AADACL3: variants seen among roughly 807,000 people sequenced by gnomAD.
AADACL3 encodes the protein arylacetamide deacetylase like 3.
AADACL3 carries 13 observed loss-of-function variants against 13.6 expected under a neutral mutation model. That is an observed-to-expected ratio of 0.95 (90% CI 0.62 to 1.52). The LOEUF (loss-of-function observed/expected upper bound fraction) is 1.52, where lower values mean the gene tolerates loss of function less well. AADACL3 is among the 40% of genes most tolerant of loss of function. AADACL3 has a pLI of 0.00. For missense variants in AADACL3, 519 were observed against 499.2 expected, an observed-to-expected ratio of 1.04 and a Z score of -0.38; for synonymous variants, 195 against 197.0, an observed-to-expected ratio of 0.99 and a Z score of 0.08.
chr1:12,723,197 C>A (rs1229045624), intron 3 of AADACL3, among the ~76,000 whole-genome samples: 1 of 151,922 alleles, frequency 6.6e-6, no homozygotes, highest in African/African-American at 2.4e-5. Context: ...AGAAAAACAC[C>A]TGCTAATATT....
Position 12,719,505 on chromosome 1 carries a change from T to A in AADACL3, c.199T>A (p.Ser67Thr). The A allele has an allele frequency of 6.2e-7, 1 of 1,614,100 alleles. No homozygotes were observed. Among genetic ancestry groups the A allele is most frequent in the Non-Finnish European group, 8.5e-7 (1 of 1,179,958 alleles). The change falls in exon 2 of 4, where the codon TCT (serine) becomes ACT (threonine). Residue 67 changes from serine to threonine, a missense_variant. Physicochemically the swap from Ser to Thr is moderately conservative, Grantham distance 58 (BLOSUM62 1). Coordinates refer to ENST00000359318, the MANE Select transcript of AADACL3 (RefSeq NM_001103170.3). Reference sequence around the variant, plus strand: ...GATATTTGAGAAGCTCAGAATCTGTTCTATGCCCCAATTTTTCTGTTTCAT... The same window carrying A: ...GATATTTGAGAAGCTCAGAATCTGTACTATGCCCCAATTTTTCTGTTTCAT... ...GMIFEKLRIC[S>T]MPQFFCFMQD...
chr1:12,725,517 A>G lies in AADACL3; in HGVS notation c.745A>G (p.Ile249Val). Residue 249 changes from isoleucine (I) to valine (V), a missense_variant, in exon 4 of 4, where the codon ATC (isoleucine) becomes GTC (valine). By Grantham distance (29) the Ile-to-Val change is conservative. Coordinates refer to ENST00000359318, the MANE Select transcript of AADACL3 (RefSeq NM_001103170.3). ...CATCCCACTGCTCACCTGGAGTTTC[A>G]TCTGCTACTTTTTTTTTCAAAACCT... ...KNIPLLTWSF[I>V]CYFFFQNLDF... 1 of 1,613,986 alleles carries G rather than the reference A, an allele frequency of 6.2e-7. No individual in the cohort carries two copies. Among genetic ancestry groups the G allele is most frequent in the African/African-American group, 1.3e-5 (1 of 74,968 alleles).
intron 1 of AADACL3, among the ~76,000 whole-genome samples, chr1:12,716,555 A>C (rs1329565710): frequency 6.6e-6 from 1 of 152,216 alleles, no homozygotes; most frequent in Non-Finnish European, 1.5e-5. Context: ...TAATATTCAC[A>C]AAATTCAAAG....
chr1:12,719,399 C>T, intron 1 of AADACL3, 76 bp from the exon 2 acceptor site: 1 of 1,386,700 alleles, frequency 7.2e-7, no homozygotes, highest in South Asian at 1.2e-5. Flanking sequence ...CTGTGGAGGG[C>T]AGGTTGTGAA....
In AADACL3 at chr1:12,725,134, A is replaced by G. The variant is rs1257201496; in HGVS notation, c.450-88A>G. The G allele has an allele frequency of 6.6e-6, 9 of 1,373,018 alleles. No homozygotes were observed. The East Asian group carries it at 1.4e-4, about 21-fold the overall frequency. 85.1% of individuals were successfully genotyped at this position (1,373,018 alleles called of 1,614,324 possible). On this transcript the variant is annotated intron_variant, in intron 3 of 3. Coordinates refer to ENST00000359318, the MANE Select transcript of AADACL3 (RefSeq NM_001103170.3). ...GCTCAAGTTTCACAAAGGGAAGTGA[A>G]TGGACTAATTTGGGCTAAAAGATGC...
intron 3 of AADACL3, among the ~76,000 whole-genome samples, chr1:12,722,985 C>T (rs1638298302): frequency 6.6e-6 from 1 of 152,000 alleles, no homozygotes; most frequent in African/African-American, 2.4e-5. Flanking sequence ...CACAAAAACA[C>T]CAGCTAATTT....
At position 12,725,783 on chromosome 1, in the gene AADACL3, G is replaced by A. The variant is rs201620030; in HGVS notation, c.1011G>A (p.Pro337=). 2,756 of 1,614,122 alleles carry A rather than the reference G, an allele frequency of 1.7e-3. 3 individuals carry two copies. Among genetic ancestry groups the A allele is most frequent in the Non-Finnish European group, 2.1e-3 (2,474 of 1,180,016 alleles). Residue 337 remains proline, a synonymous_variant, in exon 4 of 4, where the codon CCG becomes CCA. Coordinates refer to ENST00000359318, the MANE Select transcript of AADACL3 (RefSeq NM_001103170.3). ...AAGATGACATAGTGTCTCAGCTCCC[G>A]GAAACCTGCATCGTGAGCTGTGAGT... ...IAEDDIVSQL[P]ETCIVSCEYD...
chr1:12,718,359 C>CAAAAA (rs781999285), intron 1 of AADACL3, among the ~76,000 whole-genome samples: 1 of 66,552 alleles, frequency 1.5e-5, no homozygotes, highest in Non-Finnish European at 3.1e-5. Flanking sequence ...CTCTTCTCTC[C>CAAAAA]AAAAAAAAAA....
intron 3 of AADACL3, among the ~76,000 whole-genome samples, chr1:12,723,624 C>CT (rs1435717090): frequency 6.6e-6 from 1 of 151,952 alleles, no homozygotes; most frequent in Non-Finnish European, 1.5e-5. Context: ...ACCACAGACA[C>CT]ACACCACCAC....
rs1229813468 is a variant in AADACL3, at chr1:12,726,596, T to C, written c.*600T>C. On this transcript the variant is annotated 3_prime_UTR_variant, in exon 4 of 4. Coordinates refer to ENST00000359318, the MANE Select transcript of AADACL3 (RefSeq NM_001103170.3). ...GCTGGAAACTTTAAGATAGAATGGA[T>C]AGAGCTTCCACAGTGGTTGGCATCT... The C allele has an allele frequency of 1.3e-5, 2 of 152,302 alleles. No homozygotes were observed. The highest frequency in any genetic ancestry group is 6.5e-5 in the Admixed American group (1 of 15,288). The allele number at this position is 152,302 out of a possible 1,614,324, so 9.4% of individuals were successfully genotyped here.
At chr1:12,719,312 G>C (rs1009767121) in intron 1 of AADACL3, among the ~76,000 whole-genome samples, 163 bp from the exon 2 acceptor site, 1 of 152,176 alleles carries the variant, frequency 6.6e-6, no homozygotes, top group African/African-American at 2.4e-5. Context: ...TTTCCTGCAG[G>C]TGTCCTGAGG....
intron 2 of AADACL3, 51 bp downstream of exon 2, chr1:12,719,742 T>G: frequency 1.3e-6 from 2 of 1,534,968 alleles, no homozygotes; most frequent in Non-Finnish European, 9.0e-7. Context: ...CCCCTTAACA[T>G]AACTTGGAAG....
At chr1:12,721,035 GT>G in intron 3 of AADACL3, 89 bp downstream of exon 3, 1 of 278,162 alleles carries the variant, frequency 3.6e-6, no homozygotes, top group Non-Finnish European at 7.5e-6. Context: ...GGGGTGGGGG[GT>G]GGGGGATGGG....
intron 3 of AADACL3, among the ~76,000 whole-genome samples, chr1:12,723,627 A>G (rs1173327482): frequency 6.6e-6 from 1 of 151,912 alleles, no homozygotes; most frequent in East Asian, 1.9e-4. Flanking sequence ...ACAGACACAC[A>G]CCACCACGCC....
intron 3 of AADACL3, among the ~76,000 whole-genome samples, chr1:12,722,343 AAAAAAAT>A (rs1192861046): frequency 1.4e-5 from 1 of 72,204 alleles, no homozygotes; most frequent in African/African-American, 7.9e-5. Context: ...AAAAAAAAAA[AAAAAAAT>A]GGAAAAGAAA....
chr1:12,726,129 G>C lies in AADACL3; in HGVS notation c.*133G>C. The C allele has an allele frequency of 9.8e-7, 1 of 1,017,660 alleles. No homozygotes were observed. Among genetic ancestry groups the C allele is most frequent in the Non-Finnish European group, 1.4e-6 (1 of 712,972 alleles). The allele number at this position is 1,017,660 out of a possible 1,614,324, so 63.0% of individuals were successfully genotyped here. The stretch of plus-strand genomic sequence containing the variant: ...GGTAGAGGTTGCTGTCACCTTTCTG[G>C]TCCAGGTTCTAGAACCACACAATGC... On this transcript the variant is annotated 3_prime_UTR_variant, in exon 4 of 4. Transcript: ENST00000359318.
At chr1:12,722,919 C>A (rs1047513024) in intron 3 of AADACL3, among the ~76,000 whole-genome samples, 6 of 152,140 alleles carry the variant, frequency 3.9e-5, no homozygotes, top group African/African-American at 1.4e-4. Flanking sequence ...TTACCTATTA[C>A]AAAACCTAGG....
chr1:12,720,868 C>T lies in AADACL3; in HGVS notation c.386-15C>T, dbSNP rs1638240684. The T allele has an allele frequency of 6.2e-7, 1 of 1,608,490 alleles. No homozygotes were observed. The highest frequency in any genetic ancestry group is 8.5e-7 in the Non-Finnish European group (1 of 1,176,022). Reference sequence around the variant, plus strand: ...AAGCCTTCCTAGTGAATCTTAAAAACCATTTATTTTCTAGAAACCCACCAT... The same window carrying T: ...AAGCCTTCCTAGTGAATCTTAAAAATCATTTATTTTCTAGAAACCCACCAT... On this transcript the variant is annotated splice_polypyrimidine_tract_variant and intron_variant, in intron 2 of 3. Coordinates refer to ENST00000359318, the MANE Select transcript of AADACL3 (RefSeq NM_001103170.3).
rs908686544 is a variant in AADACL3 at position 12,725,240 on chromosome 1, G to A, written c.468G>A (p.Lys156=). The change falls in exon 4 of 4, where the codon AAG becomes AAA. Residue 156 remains lysine (K), a synonymous_variant. Transcript: ENST00000359318. Reference sequence around the variant, plus strand: ...TTTTTAGTTACCGCAAGTTACCTAAGCATAAGTTTCCAGTGCCAGTAAGAG... The same window carrying A: ...TTTTTAGTTACCGCAAGTTACCTAAACATAAGTTTCCAGTGCCAGTAAGAG... ...VLAVGYRKLP[K]HKFPVPVRDC... 2 of 1,606,026 alleles carry A rather than the reference G, an allele frequency of 1.2e-6. No homozygotes were observed. Among genetic ancestry groups the A allele is most frequent in the Non-Finnish European group, 1.7e-6 (2 of 1,176,808 alleles).
Sources: gnomAD v4.1 joint callset for allele counts (sites outside exome capture counted in the v4.1 genomes callset) on GRCh38, gnomAD v4.1.1 for gene constraint, MANE v1.5 for transcripts, NCBI Gene and HGNC (gene_info 2026-07-23, HGNC 2026-07-21) for gene names.